Variants in HERC5 observed in about 807,000 individuals in gnomAD.
The protein encoded by HERC5 is E3 ISG15--protein ligase HERC5.
A neutral mutation model predicts 119.6 loss-of-function variants in HERC5; 99 were observed. The ratio of observed to expected loss-of-function variants is 0.83; its 90% confidence interval spans 0.70 to 0.98. HERC5 has a LOEUF of 0.98. Among genes scored for constraint, HERC5 ranks in the 50% least tolerant of loss-of-function variants. The pLI is 0.00. For synonymous variants in HERC5, 478 were observed against 445.9 expected (o/e 1.07, Z -0.91); for missense variants, 1,267 against 1,241.3 (o/e 1.02, Z -0.31).
intron 15 of HERC5, among the ~76,000 whole-genome samples, chr4:88,487,765 T>G (rs1395985459): frequency 6.6e-6 from 1 of 152,154 alleles, no homozygotes; most frequent in Non-Finnish European, 1.5e-5. Flanking sequence ...ATTAACAAAA[T>G]ATTTTACCAC....
intron 12 of HERC5, among the ~76,000 whole-genome samples, chr4:88,476,396 T>C (rs1314847783): frequency 6.6e-6 from 1 of 152,188 alleles, no homozygotes; most frequent in Non-Finnish European, 1.5e-5. Flanking sequence ...ACCCCTGGGC[T>C]CAAGTGATGA....
At chr4:88,479,574 C>A in intron 13 of HERC5, 67 bp downstream of exon 13, 1 of 1,355,546 alleles carries the variant, frequency 7.4e-7, no homozygotes, top group Non-Finnish European at 9.9e-7. Context: ...TTTCAGCTGG[C>A]TTGAATCTTT....
intron 7 of HERC5, among the ~76,000 whole-genome samples, chr4:88,467,489 C>A (rs1228609636): frequency 1.3e-5 from 2 of 152,220 alleles, no homozygotes; most frequent in East Asian, 3.8e-4. Flanking sequence ...TTGCAAGAGA[C>A]TTACTAATTC....
chr4:88,471,203 C>G (rs1740858674), intron 10 of HERC5, among the ~76,000 whole-genome samples: 1 of 152,118 alleles, frequency 6.6e-6, no homozygotes, highest in Non-Finnish European at 1.5e-5. Flanking sequence ...CTCCTGAGCT[C>G]AGGCAATCTA....
chr4:88,475,172 ATT>A (rs553717193), intron 11 of HERC5, among the ~76,000 whole-genome samples: 39 of 123,232 alleles, frequency 3.2e-4, no homozygotes, highest in Non-Finnish European at 5.0e-4. Flanking sequence ...GTTCTGATGC[ATT>A]TTTACTCTTG....
At chr4:88,469,465 T>C (rs898314478) in intron 9 of HERC5, among the ~76,000 whole-genome samples, 8 of 152,146 alleles carry the variant, frequency 5.3e-5, no homozygotes, top group African/African-American at 1.9e-4. Context: ...GAGAGAGAGA[T>C]TATTTTAAGG....
chr4:88,500,912 C>T lies in HERC5; in HGVS notation c.2512-3C>T, dbSNP rs1205440830. On this transcript the variant is annotated splice_polypyrimidine_tract_variant and splice_region_variant and intron_variant, in intron 19 of 22. Transcript: ENST00000264350. ...TATTATCTGAGTTCATTTGCGGTTA[C>T]AGGTGCACTGGGACAGAAACGACAC... 1.2e-6 allele frequency: 2 copies of T among 1,608,584 alleles called. No homozygotes were observed. Among genetic ancestry groups the T allele is most frequent in the Non-Finnish European group, 1.7e-6 (2 of 1,177,050 alleles).
At chr4:88,492,436 T>C (rs1217099436) in intron 16 of HERC5, among the ~76,000 whole-genome samples, 5 of 152,018 alleles carry the variant, frequency 3.3e-5, no homozygotes, top group Non-Finnish European at 7.4e-5. Context: ...GGGGTTTGAC[T>C]GATAAAGGAT....
rs958782733 is a variant in HERC5 at position 88,463,925 on chromosome 4, T to A, written c.851T>A (p.Leu284Gln). The change falls in exon 6 of 23, where the codon CTA becomes CAA. Residue 284 changes from leucine (L) to glutamine (Q), a missense_variant. Transcript: ENST00000264350. Reference sequence around the variant, plus strand: ...GGTCATAATTCAACACAGAATGAGCTAAGACCCTGTTTGGTGGCTGAGCTT... The same window carrying A: ...GGTCATAATTCAACACAGAATGAGCAAAGACCCTGTTTGGTGGCTGAGCTT... ...QLGHNSTQNE[L>Q]RPCLVAELVG... 1.2e-6 allele frequency: 2 copies of A among 1,614,044 alleles called. No individual in the cohort carries two copies. Among genetic ancestry groups the A allele is most frequent in the East Asian group, 4.5e-5 (2 of 44,882 alleles).
At chr4:88,494,465 C>A in intron 18 of HERC5, 134 bp downstream of exon 18, 2 of 739,234 alleles carry the variant, frequency 2.7e-6, no homozygotes, top group Non-Finnish European at 4.4e-6. Flanking sequence ...TTAACTTTGA[C>A]AAGAATTGTT....
At chr4:88,499,819 C>A in intron 18 of HERC5, 107 bp from the exon 19 acceptor site, 1 of 753,452 alleles carries the variant, frequency 1.3e-6, no homozygotes, top group Non-Finnish European at 2.3e-6. Flanking sequence ...TGAACTATAC[C>A]TGACCTCATA....
At chr4:88,472,626 A>G in intron 11 of HERC5, 124 bp downstream of exon 11, 1 of 703,222 alleles carries the variant, frequency 1.4e-6, no homozygotes, top group South Asian at 1.7e-5. Flanking sequence ...TATTCAGATT[A>G]AGTTAAACTC....
chr4:88,491,954 A>C (rs1741652353), intron 16 of HERC5, among the ~76,000 whole-genome samples: 1 of 152,110 alleles, frequency 6.6e-6, no homozygotes, highest in South Asian at 2.1e-4. Flanking sequence ...CAGCCACTTC[A>C]GCAAACACCT....
rs56006160 is a variant in HERC5, at chr4:88,471,190, G to A, written c.1298+517G>A. Among the ~76,000 whole-genome samples, 1,335 of 151,988 alleles carry A rather than the reference G, an allele frequency of 8.8e-3. 23 individuals carry two copies. Among genetic ancestry groups the A allele is most frequent in the African/African-American group, 0.03 (1,235 of 41,464 alleles). Reference sequence around the variant, plus strand: ...TTACCATGTTGGCCAGGCTGGTCTCGAACTCCTGAGCTCAGGCAATCTACC... The same window carrying A: ...TTACCATGTTGGCCAGGCTGGTCTCAAACTCCTGAGCTCAGGCAATCTACC... On this transcript the variant is annotated intron_variant, in intron 10 of 22. Coordinates refer to ENST00000264350, the MANE Select transcript of HERC5 (RefSeq NM_016323.4).
chr4:88,505,919 CGTTGTTGTTGTT>C lies in HERC5; in HGVS notation c.*57_*68del, dbSNP rs58490237. On this transcript the variant is annotated 3_prime_UTR_variant, in exon 23 of 23. Coordinates refer to ENST00000264350, the MANE Select transcript of HERC5 (RefSeq NM_016323.4). ...AACAGCCTTATTTTGTTGTTGTTAT[CGTTGTTGTTGTT>C]GTTGTTGTTGTTGTTTCTCTACTTT... 4.3e-5 allele frequency: 62 copies of C among 1,431,108 alleles called. No individual in the cohort carries two copies. In the African/African-American group the frequency reaches 6.1e-4, roughly 14 times the overall value. The allele number at this position is 1,431,108 out of a possible 1,614,324, so 88.7% of individuals were successfully genotyped here.
Position 88,470,681 on chromosome 4 carries a change from A to G in HERC5, c.1298+8A>G. 2 of 1,222,898 alleles carry G rather than the reference A, an allele frequency of 1.6e-6. No homozygotes were observed. Among genetic ancestry groups the G allele is most frequent in the Non-Finnish European group, 2.4e-6 (2 of 836,056 alleles). 75.8% of individuals were successfully genotyped at this position (1,222,898 alleles called of 1,614,324 possible). The stretch of plus-strand genomic sequence containing the variant: ...AAGTTTTTTAAGGAAAAGGTAATAT[A>G]TGTAATAAATTAATTGTATTAAATT... On this transcript the variant is annotated splice_region_variant and intron_variant, in intron 10 of 22. Transcript: ENST00000264350.
intron 15 of HERC5, among the ~76,000 whole-genome samples, chr4:88,487,985 C>G (rs1302977686): frequency 6.6e-6 from 1 of 151,908 alleles, no homozygotes; most frequent in Non-Finnish European, 1.5e-5. Flanking sequence ...AATATATGTC[C>G]TTAAAGCAGA....
intron 20 of HERC5, among the ~76,000 whole-genome samples, chr4:88,503,892 C>A (rs1037538863): frequency 6.6e-6 from 1 of 151,956 alleles, no homozygotes; most frequent in African/African-American, 2.4e-5. Context: ...TGGTAAAACC[C>A]CATCTCTACT....
At chr4:88,475,699 A>C (rs1475180661) in intron 11 of HERC5, 142 bp from the exon 12 acceptor site, 1 of 704,350 alleles carries the variant, frequency 1.4e-6, no homozygotes, top group East Asian at 2.7e-5. Context: ...GGATGTAAAC[A>C]GGGGTTTTAG....
Sources: gnomAD v4.1 joint callset for allele counts (sites outside exome capture counted in the v4.1 genomes callset) on GRCh38, gnomAD v4.1.1 for gene constraint, MANE v1.5 for transcripts, NCBI Gene and HGNC (gene_info 2026-07-23, HGNC 2026-07-21) for gene names.